Variants in AVEN observed in about 807,000 individuals in gnomAD.
AVEN encodes the protein cell death regulator Aven.
A neutral mutation model predicts 38.1 loss-of-function variants in AVEN; 41 were observed. The ratio of observed to expected loss-of-function variants is 1.08; its 90% CI spans 0.84 to 1.40. AVEN has a LOEUF of 1.40. Ranked by LOEUF, AVEN falls within the 40% of genes most tolerant of loss-of-function variation. The probability of loss-of-function intolerance (pLI) is 0.00; values close to 1 mark genes in which losing one functional copy is unlikely to be tolerated. For missense variants in AVEN, 605 were observed against 438.8 expected (o/e 1.38, Z -3.38); for synonymous variants, 206 against 171.8 (o/e 1.20, Z -1.56).
intron 1 of AVEN, among the ~76,000 whole-genome samples, chr15:34,003,526 T>A (rs1269136472): frequency 1.3e-5 from 2 of 152,216 alleles, no homozygotes; most frequent in African/African-American, 4.8e-5. Flanking sequence ...GCTGTAAGCA[T>A]CTTAAACTCA....
chr15:34,037,876 CA>C (rs1480620051), intron 1 of AVEN, among the ~76,000 whole-genome samples: 1 of 151,914 alleles, frequency 6.6e-6, no homozygotes, highest in African/African-American at 2.4e-5. Context: ...TTGCCTCATG[CA>C]AAAAAGAATT....
chr15:33,866,435 T>TGCTTCAATGTATTCTTTC lies in AVEN; in HGVS notation c.*160_*177dup, dbSNP rs1224005502. On this transcript the variant is annotated 3_prime_UTR_variant, in exon 6 of 6. Transcript: ENST00000306730. The stretch of plus-strand genomic sequence containing the variant: ...AGCCAGAAAAACAAATGCAACAAGC[T>TGCTTCAATGTATTCTTTC]GCTTCAATGTATTCTTTCAGATGTC... The TGCTTCAATGTATTCTTTC allele has an allele frequency of 1.7e-6, 1 of 590,496 alleles. No homozygotes were observed. The highest frequency in any genetic ancestry group is 1.9e-5 in the African/African-American group (1 of 53,648). 36.6% of individuals were successfully genotyped at this position (590,496 alleles called of 1,614,324 possible).
At chr15:33,882,113 C>T (rs749240308) in intron 2 of AVEN, among the ~76,000 whole-genome samples, 6 of 152,106 alleles carry the variant, frequency 3.9e-5, no homozygotes, top group African/African-American at 7.2e-5. Context: ...TATTGTAGAA[C>T]GGCCTTGTTG....
At chr15:33,899,564 G>C (rs1272741422) in intron 2 of AVEN, among the ~76,000 whole-genome samples, 2 of 144,098 alleles carry the variant, frequency 1.4e-5, no homozygotes, top group African/African-American at 5.2e-5. Flanking sequence ...CCGCCTCCCG[G>C]GTTCATGCCA....
chr15:33,866,424 ATGC>A lies in AVEN; in HGVS notation c.*186_*188del, dbSNP rs1890503988. 1 of 586,574 alleles carries A rather than the reference ATGC, an allele frequency of 1.7e-6. No homozygotes were observed. The highest frequency in any genetic ancestry group is 3.0e-6 in the Non-Finnish European group (1 of 331,466). The allele number at this position is 586,574 out of a possible 1,614,324, so 36.3% of individuals were successfully genotyped here. On this transcript the variant is annotated 3_prime_UTR_variant, in exon 6 of 6. Coordinates refer to ENST00000306730, the MANE Select transcript of AVEN (RefSeq NM_020371.3). ...TTAGATTACTAAGCCAGAAAAACAAATGCAACAAGCTGCTTCAATGTATTCTTT... is the reference window on the plus strand; with the variant it reads ...TTAGATTACTAAGCCAGAAAAACAAAAACAAGCTGCTTCAATGTATTCTTT...
downstream of AVEN, chr15:33,865,183 C>T (rs373683544): frequency 8.7e-6 from 14 of 1,613,728 alleles, no homozygotes; most frequent in African/African-American, 1.9e-4. Flanking sequence ...TTCTTCCCAG[C>T]CGGTGACTGC....
intron 2 of AVEN, among the ~76,000 whole-genome samples, chr15:33,933,367 C>T (rs950943322): frequency 6.6e-6 from 1 of 152,012 alleles, no homozygotes; most frequent in Non-Finnish European, 1.5e-5. Flanking sequence ...CTGTTCAGCT[C>T]CATATGGAGA....
intron 2 of AVEN, among the ~76,000 whole-genome samples, chr15:33,948,876 A>G (rs2140445072): frequency 6.6e-6 from 1 of 151,872 alleles, no homozygotes; most frequent in African/African-American, 2.4e-5. Flanking sequence ...ATTCATCATG[A>G]TGGCCAGGCT....
At chr15:33,864,948 A>G, downstream of AVEN, 1 of 544,276 alleles carries the variant, frequency 1.8e-6, no homozygotes, top group Non-Finnish European at 3.3e-6. Flanking sequence ...TGTGTCAGAG[A>G]GACATGGCTT....
rs142797957 is a variant in AVEN at position 33,952,307 on chromosome 15, A to G, written c.445+50725T>C. On this transcript the variant is annotated intron_variant, in intron 2 of 5. Coordinates refer to ENST00000306730, the MANE Select transcript of AVEN (RefSeq NM_020371.3). ...AGTTGGAGGAGGCAAAGCATTAGCA[A>G]AGAGAGCAATATACCTTGCAACCTA... Among the ~76,000 whole-genome samples the G allele has an allele frequency of 3.6e-3, 555 of 152,314 alleles. 2 individuals are homozygous for G. Among genetic ancestry groups the G allele is most frequent in the African/African-American group, 0.013 (538 of 41,576 alleles).
intron 5 of AVEN, among the ~76,000 whole-genome samples, chr15:34,049,137 A>G (rs1899836306): frequency 1.3e-5 from 2 of 152,206 alleles, no homozygotes; most frequent in Non-Finnish European, 2.9e-5. Context: ...AAAAAGACAG[A>G]GTGCGTCTCT....
At chr15:33,873,307 C>T (rs968874513) in intron 3 of AVEN, among the ~76,000 whole-genome samples, 2 of 150,204 alleles carry the variant, frequency 1.3e-5, no homozygotes, top group African/African-American at 4.9e-5. Flanking sequence ...ACCATGTTGG[C>T]CAGGCTGGTC....
At chr15:33,899,190 C>T (rs899476921) in intron 2 of AVEN, among the ~76,000 whole-genome samples, 2 of 152,096 alleles carry the variant, frequency 1.3e-5, no homozygotes, top group African/African-American at 2.4e-5. Context: ...CCCTATGACA[C>T]AGTGAAGAGG....
At chr15:34,070,884 G>A (rs1900612348) in intron 1 of AVEN, among the ~76,000 whole-genome samples, 3 of 152,184 alleles carry the variant, frequency 2.0e-5, no homozygotes, top group African/African-American at 7.2e-5. Flanking sequence ...AGGTGGGATG[G>A]ACGGGAGTTA....
intron 1 of AVEN, among the ~76,000 whole-genome samples, chr15:34,024,910 T>C (rs1217213646): frequency 3.4e-5 from 5 of 147,068 alleles, no homozygotes; most frequent in Admixed American, 1.4e-4. Flanking sequence ...AGGCCGGGCA[T>C]GGTGGCTCAC....
chr15:34,070,385 T>A (rs1900601964), intron 2 of AVEN, among the ~76,000 whole-genome samples: 1 of 152,128 alleles, frequency 6.6e-6, no homozygotes, highest in South Asian at 2.1e-4. Context: ...TCTTTTTTTT[T>A]TTTAAATCGA....
At chr15:33,905,219 CAAA>C (rs71117198) in intron 2 of AVEN, among the ~76,000 whole-genome samples, 4 of 150,286 alleles carry the variant, frequency 2.7e-5, no homozygotes, top group Non-Finnish European at 4.4e-5. Context: ...AACAAACAAA[CAAA>C]AAAACCCACA....
Position 33,867,757 on chromosome 15 carries a change from TC to T in AVEN, c.710del (p.Gly237GlufsTer8). 1.2e-6 allele frequency: 2 copies of T among 1,614,126 alleles called. No individual in the cohort carries two copies. Among genetic ancestry groups the T allele is most frequent in the Non-Finnish European group, 1.7e-6 (2 of 1,180,014 alleles). On this transcript the variant is annotated frameshift_variant, in exon 5 of 6. Transcript: ENST00000306730. LOFTEE classifies it high-confidence loss of function. ...ATTTCAGCTCAAAGATGGGCCCCCT[TC>T]CTCCAGGCCCCAAGGGCCCCTTTAA... ...MQLKGPLGPG[G>X]RGPIFELKSV...
chr15:33,966,966 C>A (rs577949254), intron 2 of AVEN, among the ~76,000 whole-genome samples: 25 of 152,226 alleles, frequency 1.6e-4, no homozygotes, highest in African/African-American at 6.0e-4. Flanking sequence ...CTCCACTGAA[C>A]TCTAAGTCAC....
Sources: gnomAD v4.1 joint callset for allele counts (sites outside exome capture counted in the v4.1 genomes callset) on GRCh38, gnomAD v4.1.1 for gene constraint, MANE v1.5 for transcripts, NCBI Gene and HGNC (gene_info 2026-07-23, HGNC 2026-07-21) for gene names.